The following MTMR12 variants were observed in gnomAD, a reference collection of about 807,000 sequenced individuals.
MTMR12 encodes myotubularin related protein 12, also known as myotubularin-related protein 12.
A neutral mutation model predicts 96.7 loss-of-function variants in MTMR12; 33 were observed. The observed-to-expected ratio is 0.34, with a 90% CI of 0.26 to 0.46. The LOEUF (loss-of-function observed/expected upper bound fraction) is 0.46, where lower values mean the gene tolerates loss of function less well. MTMR12 is among the 20% of genes least tolerant of loss of function. The pLI, the probability that MTMR12 is intolerant of heterozygous loss-of-function variation, is 1.00. For synonymous variants in MTMR12, 298 were observed against 327.2 expected (o/e 0.91, Z 0.96); for missense variants, 721 against 896.1 (o/e 0.80, Z 2.49).
rs752327449 is a variant in MTMR12, at chr5:32,233,473, A to AACACACACACACACAC, written c.1674+284_1674+299dup. ...CTCTACTAACACACACACACACACA[A>AACACACACACACACAC]ACACACACACACACACACACACACA... On this transcript the variant is annotated intron_variant, in intron 15 of 15. Transcript: ENST00000382142. The surrounding 1 kb of genome is among the most constrained non-coding windows in gnomAD (Gnocchi z 5.0). Among the ~76,000 whole-genome samples the AACACACACACACACAC allele has an allele frequency of 5.0e-5, 3 of 59,932 alleles. No homozygotes were observed. The highest frequency in any genetic ancestry group is 1.4e-4 in the African/African-American group (3 of 21,722). 39.3% of individuals were successfully genotyped at this position (59,932 alleles called of 152,430 possible).
At chr5:32,305,184 G>T (rs1017005113) in intron 1 of MTMR12, among the ~76,000 whole-genome samples, 1 of 152,120 alleles carries the variant, frequency 6.6e-6, no homozygotes, top group East Asian at 1.9e-4. Flanking sequence ...TGCCTCCTCG[G>T]TTCAAGAGAT....
Position 32,263,585 on chromosome 5 carries a change from G to A in MTMR12, c.584-343C>T, listed in dbSNP as rs566342882. ...CATGAGTAGCTGGGACTACAGGAAC[G>A]CACCACCACATATGGCTAATTTTTG... On this transcript the variant is annotated intron_variant, in intron 6 of 15. Coordinates refer to ENST00000382142, the MANE Select transcript of MTMR12 (RefSeq NM_001040446.3). Among the ~76,000 whole-genome samples, 81 of 152,102 alleles carry A rather than the reference G, an allele frequency of 5.3e-4. 1 individual carries two copies. Among genetic ancestry groups the A allele is most frequent in the Admixed American group, 4.6e-3 (70 of 15,268 alleles).
At chr5:32,300,027 C>T (rs985940060) in intron 1 of MTMR12, among the ~76,000 whole-genome samples, 2 of 152,172 alleles carry the variant, frequency 1.3e-5, no homozygotes, top group African/African-American at 4.8e-5. Flanking sequence ...GCATGCCTCC[C>T]TCATAAGTAG....
At chr5:32,271,693 A>T in intron 4 of MTMR12, 140 bp downstream of exon 4, 1 of 476,334 alleles carries the variant, frequency 2.1e-6, no homozygotes, top group Non-Finnish European at 3.6e-6. Flanking sequence ...TCTCAATTTT[A>T]GCATCTATAA....
chr5:32,231,569 C>T (rs1392188147), intron 15 of MTMR12, among the ~76,000 whole-genome samples: 1 of 152,154 alleles, frequency 6.6e-6, no homozygotes, highest in African/African-American at 2.4e-5. Flanking sequence ...AACTCTCTAA[C>T]ATATTTCCAT....
At position 32,312,643 on chromosome 5, in the gene MTMR12, C is replaced by G. The variant is rs1751645894; in HGVS notation, c.81+115G>C. 2.0e-6 allele frequency: 2 copies of G among 999,582 alleles called. No individual in the cohort carries two copies. Among genetic ancestry groups the G allele is most frequent in the East Asian group, 3.9e-5 (1 of 25,868 alleles). 61.9% of individuals were successfully genotyped at this position (999,582 alleles called of 1,614,324 possible). A position where few individuals can be genotyped will look rare whatever the true frequency, so the allele number is the denominator to read the frequency against. On this transcript the variant is annotated intron_variant, in intron 1 of 15. Transcript: ENST00000382142. The surrounding 1 kb of genome is among the most constrained non-coding windows in gnomAD (Gnocchi z 5.0). ...TCAGCCCGCCTGGCTGCCCCGTCGCCCGGCACAAGGGCAGGAAGCGCTCCG... is the reference window on the plus strand; with the variant it reads ...TCAGCCCGCCTGGCTGCCCCGTCGCGCGGCACAAGGGCAGGAAGCGCTCCG...
At chr5:32,276,608 G>T in intron 2 of MTMR12, 74 bp downstream of exon 2, 2 of 1,277,632 alleles carry the variant, frequency 1.6e-6, no homozygotes, top group Non-Finnish European at 2.3e-6. Flanking sequence ...TTTAAATATA[G>T]CAAGGCTAGG....
intron 1 of MTMR12, among the ~76,000 whole-genome samples, chr5:32,282,847 G>A (rs536194811): frequency 8.4e-4 from 128 of 152,246 alleles, no homozygotes; most frequent in African/African-American, 3.0e-3. Context: ...TTTCACAATC[G>A]CTTTTTGAAC....
chr5:32,271,948 T>G, intron 3 of MTMR12, 43 bp from the exon 4 acceptor site: 1 of 1,189,406 alleles, frequency 8.4e-7, no homozygotes, highest in Non-Finnish European at 1.2e-6. Context: ...CTCTGCATAC[T>G]GTTAGACATT....
intron 3 of MTMR12, 30 bp downstream of exon 3, chr5:32,273,950 C>A (rs780959136): frequency 1.2e-5 from 19 of 1,612,604 alleles, no homozygotes; most frequent in Non-Finnish European, 1.6e-5. Context: ...CTGTTGCCCA[C>A]AAACTCTGCC....
intron 13 of MTMR12, among the ~76,000 whole-genome samples, chr5:32,235,352 G>A (rs964900905): frequency 1.3e-5 from 2 of 152,158 alleles, no homozygotes; most frequent in African/African-American, 4.8e-5. Flanking sequence ...TTTCAAAGAC[G>A]AAATATGTAA....
chr5:32,293,827 G>A (rs1250324247), intron 1 of MTMR12, among the ~76,000 whole-genome samples: 2 of 152,138 alleles, frequency 1.3e-5, no homozygotes, highest in African/African-American at 4.8e-5. Context: ...ACCTGCACCA[G>A]AATGTCCCTC....
At chr5:32,288,921 C>T (rs1750645224) in intron 1 of MTMR12, among the ~76,000 whole-genome samples, 2 of 152,268 alleles carry the variant, frequency 1.3e-5, no homozygotes, top group African/African-American at 2.4e-5. Context: ...AAGATATATC[C>T]TTGACCAATG....
At chr5:32,253,314 A>G (rs1333755164) in intron 8 of MTMR12, among the ~76,000 whole-genome samples, 1 of 152,230 alleles carries the variant, frequency 6.6e-6, no homozygotes, top group African/African-American at 2.4e-5. Flanking sequence ...GTGTACATTT[A>G]AAAGGATTGG....
chr5:32,249,005 CTTTA>C, intron 8 of MTMR12, 127 bp from the exon 9 acceptor site: 1 of 699,152 alleles, frequency 1.4e-6, no homozygotes, highest in Non-Finnish European at 2.6e-6. Context: ...ACATACTTAA[CTTTA>C]TTAAGCCTGG....
chr5:32,298,936 G>A (rs1346890970), intron 1 of MTMR12, among the ~76,000 whole-genome samples: 3 of 142,938 alleles, frequency 2.1e-5, no homozygotes, highest in African/African-American at 7.9e-5. Flanking sequence ...CTAGGCGACA[G>A]AGCGAGACTC....
chr5:32,296,708 G>C lies in MTMR12; in HGVS notation c.81+16050C>G, dbSNP rs146787448. 1.3e-4 allele frequency among the ~76,000 whole-genome samples: 20 copies of C among 151,962 alleles called. No individual in the cohort carries two copies. In the East Asian group the frequency reaches 3.5e-3, roughly 27 times the overall value. On this transcript the variant is annotated intron_variant, in intron 1 of 15. Coordinates refer to ENST00000382142, the MANE Select transcript of MTMR12 (RefSeq NM_001040446.3). ...CTCAGCTACTCAGTAGGCTGAGGTG[G>C]GAGGATCCCTTGAGCCCAGGAGTTG...
At chr5:32,298,217 A>G (rs1245066178) in intron 1 of MTMR12, among the ~76,000 whole-genome samples, 1 of 152,160 alleles carries the variant, frequency 6.6e-6, no homozygotes, top group Non-Finnish European at 1.5e-5. Context: ...CTCTTGTGGT[A>G]GGTGGTTGCA....
intron 14 of MTMR12, 150 bp downstream of exon 14, chr5:32,234,812 G>C: frequency 1.6e-6 from 1 of 642,450 alleles, no homozygotes; most frequent in Admixed American, 3.1e-5. Context: ...CTCTCGCAGG[G>C]GCCATGCTAA....
Sources: gnomAD v4.1 joint callset for allele counts (sites outside exome capture counted in the v4.1 genomes callset) on GRCh38, gnomAD v4.1.1 for gene constraint, Gnocchi (gnomAD v3.1) non-coding constraint, MANE v1.5 for transcripts, NCBI Gene and HGNC (gene_info 2026-07-23, HGNC 2026-07-21) for gene names.